Variants in SLC9C1 observed in about 807,000 individuals in gnomAD.
The protein encoded by SLC9C1 is solute carrier family 9 member C1.
In SLC9C1, 97 loss-of-function variants were observed where a neutral mutation model predicts 140.9. The ratio of observed to expected loss-of-function variants is 0.69; its 90% CI spans 0.58 to 0.82. SLC9C1 has a LOEUF of 0.82. Among genes scored for constraint, SLC9C1 ranks in the 40% least tolerant of loss-of-function variants. The pLI, the probability that SLC9C1 is intolerant of heterozygous loss-of-function variation, is 0.00. For missense variants in SLC9C1, 1,340 were observed against 1,389.3 expected (o/e 0.96, Z 0.56); for synonymous variants, 440 against 442.6 (o/e 0.99, Z 0.07).
chr3:112,271,307 AAG>A (rs2080066063), intron 6 of SLC9C1, among the ~76,000 whole-genome samples: 1 of 151,300 alleles, frequency 6.6e-6, no homozygotes, highest in African/African-American at 2.4e-5. Flanking sequence ...CAAAATAACT[AAG>A]AGAGTAAATT....
chr3:112,274,797 C>T (rs1165641138), intron 6 of SLC9C1, 100 bp downstream of exon 6: 1 of 1,140,562 alleles, frequency 8.8e-7, no homozygotes, highest in African/African-American at 1.6e-5. Context: ...TATTATATTC[C>T]TACAAATATA....
intron 23 of SLC9C1, among the ~76,000 whole-genome samples, chr3:112,169,675 G>T (rs781668042): frequency 1.3e-5 from 2 of 152,026 alleles, no homozygotes; most frequent in Non-Finnish European, 2.9e-5. Flanking sequence ...GATTCCCCCA[G>T]CTTTGTTCTT....
In SLC9C1 at chr3:112,221,198, C is replaced by T; in HGVS notation, c.1600G>A (p.Glu534Lys). ...TGGACAGCACTCTGGGACAGAATCT[C>T]ATTCCTGTATTGTCTCTGGTAGCTT... The part of the protein sequence containing the change: ...IASYQRQYRN[E>K]ILSQSAVQVL... The change falls in exon 14 of 29, where the codon GAG (glutamate) becomes AAG (lysine). Residue 534 changes from glutamate (E) to lysine (K), a missense_variant. By Grantham distance (56) the Glu-to-Lys change is moderately conservative. Coordinates refer to ENST00000305815, the MANE Select transcript of SLC9C1 (RefSeq NM_183061.3). 1.2e-6 allele frequency: 2 copies of T among 1,613,556 alleles called. No individual in the cohort carries two copies. Among genetic ancestry groups the T allele is most frequent in the South Asian group, 1.1e-5 (1 of 91,016 alleles).
chr3:112,153,065 A>C (rs2107859033), intron 27 of SLC9C1, among the ~76,000 whole-genome samples: 1 of 152,342 alleles, frequency 6.6e-6, no homozygotes, highest in East Asian at 1.9e-4. Context: ...TGATGAGGAA[A>C]GGGTTTAGGA....
intron 3 of SLC9C1, among the ~76,000 whole-genome samples, chr3:112,279,286 G>A (rs1209693134): frequency 6.6e-6 from 1 of 152,122 alleles, no homozygotes; most frequent in Non-Finnish European, 1.5e-5. Flanking sequence ...ACAGGCATTG[G>A]TTGTTTTTCT....
At chr3:112,187,943 A>G (rs2077570903) in intron 20 of SLC9C1, among the ~76,000 whole-genome samples, 1 of 151,886 alleles carries the variant, frequency 6.6e-6, no homozygotes, top group South Asian at 2.1e-4. Context: ...AATTTTTTAT[A>G]TCAGTATATA....
At chr3:112,185,781 C>G in intron 20 of SLC9C1, 1 of 1,550,468 alleles carries the variant, frequency 6.4e-7, no homozygotes, top group Non-Finnish European at 8.7e-7. Context: ...CCGCACGATG[C>G]GGCTGCGAGA....
intron 23 of SLC9C1, among the ~76,000 whole-genome samples, chr3:112,171,578 C>T (rs1370365727): frequency 1.3e-5 from 2 of 151,966 alleles, no homozygotes; most frequent in Non-Finnish European, 2.9e-5. Flanking sequence ...GAGCCTGCTG[C>T]TCATATTTTT....
chr3:112,214,654 A>T (rs563800169), intron 15 of SLC9C1, among the ~76,000 whole-genome samples: 71 of 152,302 alleles, frequency 4.7e-4, no homozygotes, highest in African/African-American at 1.6e-3. Context: ...CCAAGACTAA[A>T]CCAGGAAGAA....
At chr3:112,202,213 G>A (rs2077922883) in intron 18 of SLC9C1, 37 bp downstream of exon 18, 1 of 1,605,572 alleles carries the variant, frequency 6.2e-7, no homozygotes, top group Non-Finnish European at 8.5e-7. Flanking sequence ...ACTGAGGGCT[G>A]AGTGAACTCT....
intron 2 of SLC9C1, among the ~76,000 whole-genome samples, chr3:112,284,502 A>G (rs1433344184): frequency 1.3e-5 from 2 of 152,248 alleles, no homozygotes; most frequent in Admixed American, 6.5e-5. Context: ...AGCTTCAGAT[A>G]GAATGTTACA....
At chr3:112,167,904 A>T (rs1406212930) in intron 25 of SLC9C1, among the ~76,000 whole-genome samples, 1 of 152,120 alleles carries the variant, frequency 6.6e-6, no homozygotes, top group Non-Finnish European at 1.5e-5. Context: ...ATGTTCAAGG[A>T]TAGAGGTAGA....
chr3:112,199,250 A>G (rs1273304907), intron 20 of SLC9C1, 71 bp downstream of exon 20: 6 of 1,258,302 alleles, frequency 4.8e-6, no homozygotes, highest in Non-Finnish European at 6.4e-6. Context: ...TAGAAGTCAA[A>G]TGTAGCCTTG....
chr3:112,213,273 C>G (rs1442668771), intron 15 of SLC9C1, among the ~76,000 whole-genome samples: 2 of 152,180 alleles, frequency 1.3e-5, no homozygotes, highest in Non-Finnish European at 2.9e-5. Flanking sequence ...TAAAGACCAT[C>G]TATGCTAGGA....
intron 6 of SLC9C1, among the ~76,000 whole-genome samples, chr3:112,271,410 T>TATATATATATATATATATATATA (rs1553704077): frequency 1.3e-5 from 2 of 148,226 alleles, no homozygotes; most frequent in Admixed American, 6.9e-5. Context: ...TATATATATA[T>TATATATATATATATATATATATA]CAAAGCCTCA....
Position 112,167,218 on chromosome 3 carries a change from C to T in SLC9C1, c.3364+3G>A, listed in dbSNP as rs2077156629. 2 of 1,605,320 alleles carry T rather than the reference C, an allele frequency of 1.2e-6. No homozygotes were observed. The highest frequency in any genetic ancestry group is 1.7e-6 in the Non-Finnish European group (2 of 1,176,760). ...CACAATTGCTGAAAGAAGTCTAACT[C>T]ACCTATTAATCCTGGTGTAAGATAA... On this transcript the variant is annotated splice_donor_region_variant and intron_variant, in intron 26 of 28. Transcript: ENST00000305815.
chr3:112,285,752 T>A (rs1201743408), intron 2 of SLC9C1, among the ~76,000 whole-genome samples: 1 of 152,144 alleles, frequency 6.6e-6, no homozygotes, highest in Non-Finnish European at 1.5e-5. Context: ...TATTCAGTTA[T>A]AATTTAACAT....
At chr3:112,199,585 A>T in intron 19 of SLC9C1, 116 bp from the exon 20 acceptor site, 1 of 688,536 alleles carries the variant, frequency 1.5e-6, no homozygotes, top group Non-Finnish European at 2.2e-6. Context: ...CAACACAGAG[A>T]AATGTATCTC....
At chr3:112,200,367 T>C (rs2077876143) in intron 19 of SLC9C1, among the ~76,000 whole-genome samples, 1 of 152,122 alleles carries the variant, frequency 6.6e-6, no homozygotes, top group African/African-American at 2.4e-5. Context: ...AAAACGTAAC[T>C]TCTTTTCTTG....
Sources: allele counts gnomAD v4.1 joint callset (sites outside exome capture counted in the v4.1 genomes callset), GRCh38; gene constraint gnomAD v4.1.1; transcripts MANE v1.5; gene names NCBI Gene and HGNC (gene_info 2026-07-23, HGNC 2026-07-21).